The following PCDHGB6 variants were observed in gnomAD, a reference collection of about 807,000 sequenced individuals.
PCDHGB6 encodes protocadherin gamma-B6.
PCDHGB6 carries 51 observed loss-of-function variants against 59.1 expected under a neutral mutation model. The ratio of observed to expected loss-of-function variants is 0.86; its 90% confidence interval spans 0.69 to 1.09. The LOEUF (loss-of-function observed/expected upper bound fraction) is 1.09. PCDHGB6 is among the 50% of genes least tolerant of loss of function. The probability of loss-of-function intolerance (pLI) is 0.00; values close to 1 mark genes in which losing one functional copy is unlikely to be tolerated. For missense variants in PCDHGB6, 1,148 were observed against 1,205.1 expected (o/e 0.95, Z 0.70); for synonymous variants, 466 against 495.1 (o/e 0.94, Z 0.78).
In PCDHGB6 at chr5:141,489,098, T is replaced by C; in HGVS notation, c.2419-5709T>C. 1 of 293,346 alleles carries C rather than the reference T, an allele frequency of 3.4e-6. No homozygotes were observed. The highest frequency in any genetic ancestry group is 5.5e-5 in the South Asian group (1 of 18,124). The allele number at this position is 293,346 out of a possible 1,614,324, so 18.2% of individuals were successfully genotyped here. A position where few individuals can be genotyped will look rare whatever the true frequency, so the allele number is the denominator to read the frequency against. ...CCCCCGCCACTCGGTGACTAAGAAC[T>C]GCTGCAAGCAGGCAAACCTCCGAGC... On this transcript the variant is annotated intron_variant, in intron 1 of 3. Transcript: ENST00000520790. The surrounding 1 kb of genome is among the most constrained non-coding windows in gnomAD (Gnocchi z 4.5).
At chr5:141,447,082 T>C (rs1259827606) in intron 1 of PCDHGB6, among the ~76,000 whole-genome samples, 3 of 152,156 alleles carry the variant, frequency 2.0e-5, no homozygotes, top group Non-Finnish European at 2.9e-5. Context: ...ATTTTTGTTG[T>C]TTAATTTTCT....
chr5:141,422,926 G>GC, intron 1 of PCDHGB6: 1 of 1,614,230 alleles, frequency 6.2e-7, no homozygotes, highest in African/African-American at 1.3e-5. Context: ...CCTGTACCCT[G>GC]CCCTCCCCAC....
intron 1 of PCDHGB6, chr5:141,415,696 G>A (rs867312295): frequency 2.9e-6 from 4 of 1,397,470 alleles, no homozygotes; most frequent in Non-Finnish European, 3.8e-6. Flanking sequence ...GGTGGAAAGT[G>A]TAAATGCTAA....
chr5:141,420,507 A>G (rs548077936), intron 1 of PCDHGB6: 1 of 428,282 alleles, frequency 2.3e-6, no homozygotes, highest in African/African-American at 2.0e-5. Context: ...TGACATTTTT[A>G]TGAAGTAAAA....
intron 1 of PCDHGB6, among the ~76,000 whole-genome samples, chr5:141,466,725 G>A (rs1184472416): frequency 2.6e-5 from 4 of 152,024 alleles, no homozygotes; most frequent in Non-Finnish European, 5.9e-5. Context: ...TTCCATTTTA[G>A]CAGAATTCAT....
chr5:141,449,944 T>C (rs1375717746), intron 1 of PCDHGB6, among the ~76,000 whole-genome samples: 1 of 151,744 alleles, frequency 6.6e-6, no homozygotes, highest in Non-Finnish European at 1.5e-5. Flanking sequence ...TATATTTTAC[T>C]ATACCTCATA....
At chr5:141,500,619 G>A (rs1230172485) in intron 2 of PCDHGB6, among the ~76,000 whole-genome samples, 1 of 152,072 alleles carries the variant, frequency 6.6e-6, no homozygotes, top group East Asian at 1.9e-4. Context: ...CCAGTCATAC[G>A]GTACATTTCC....
intron 1 of PCDHGB6, among the ~76,000 whole-genome samples, chr5:141,467,397 TAGAA>T (rs1326936900): frequency 6.6e-6 from 1 of 152,106 alleles, no homozygotes; most frequent in Non-Finnish European, 1.5e-5. Flanking sequence ...AAGTCATAGT[TAGAA>T]AGCCTTTCCC....
rs760017836 is a variant in PCDHGB6, at chr5:141,432,060, C to G, written c.2418+21440C>G. 1.2e-6 allele frequency: 2 copies of G among 1,614,200 alleles called. No homozygotes were observed. The highest frequency in any genetic ancestry group is 1.7e-6 in the Non-Finnish European group (2 of 1,180,048). ...GACCGGGGAACCCCGCCCCTATCCACGGAAACTCATATCTCGCTGAACGTG... is the reference window on the plus strand; with the variant it reads ...GACCGGGGAACCCCGCCCCTATCCAGGGAAACTCATATCTCGCTGAACGTG... On this transcript the variant is annotated intron_variant, in intron 1 of 3. Coordinates refer to ENST00000520790, the MANE Select transcript of PCDHGB6 (RefSeq NM_018926.3). The surrounding 1 kb of genome is among the most constrained non-coding windows in gnomAD (Gnocchi z 6.0).
Position 141,408,782 on chromosome 5 carries a change from T to A in PCDHGB6, c.580T>A (p.Leu194Ile). The A allele has an allele frequency of 6.2e-7, 1 of 1,612,108 alleles. No individual in the cohort carries two copies. Residue 194 changes from leucine (L) to isoleucine (I), a missense_variant, in exon 1 of 4, where the codon TTA (leucine) becomes ATA (isoleucine). Physicochemically the swap from Leu to Ile is conservative, Grantham distance 5. This residue lies in a region of PCDHGB6 where 307 missense variants were observed against 323.8 expected (regional missense o/e 0.95). Coordinates refer to ENST00000520790, the MANE Select transcript of PCDHGB6 (RefSeq NM_018926.3). The part of the protein sequence containing the change: ...VNSDGGKYPE[L>I]SLEKLLDREE... ...TTCCGATGGTGGCAAATACCCAGAG[T>A]TATCTCTGGAGAAACTCCTAGACCG...
chr5:141,433,401 A>ATCTATCTATCTATCTC (rs1444244130), intron 1 of PCDHGB6, among the ~76,000 whole-genome samples: 1 of 150,482 alleles, frequency 6.6e-6, no homozygotes, highest in African/African-American at 2.4e-5. Context: ...CTATCTATCT[A>ATCTATCTATCTATCTC]TCTATTACTT....
chr5:141,487,656 C>G lies in PCDHGB6; in HGVS notation c.2419-7151C>G. ...GCTCAACAAATGCTTGAGGGTTATT[C>G]TGATCCAGGCATATGGCTAGGCCAT... On this transcript the variant is annotated intron_variant, in intron 1 of 3. Coordinates refer to ENST00000520790, the MANE Select transcript of PCDHGB6 (RefSeq NM_018926.3). The surrounding 1 kb of genome is among the most constrained non-coding windows in gnomAD (Gnocchi z 5.0). 6.2e-7 allele frequency: 1 copy of G among 1,613,658 alleles called. No individual in the cohort carries two copies. Among genetic ancestry groups the G allele is most frequent in the Non-Finnish European group, 8.5e-7 (1 of 1,179,794 alleles).
At chr5:141,461,951 G>C (rs1419637040) in intron 1 of PCDHGB6, among the ~76,000 whole-genome samples, 1 of 152,186 alleles carries the variant, frequency 6.6e-6, no homozygotes, top group African/African-American at 2.4e-5. Context: ...AACCTCCTGA[G>C]TAGCTGGGAT....
chr5:141,420,075 G>A (rs893749179), intron 1 of PCDHGB6: 17 of 1,613,944 alleles, frequency 1.1e-5, no homozygotes, highest in Admixed American at 6.7e-5. Context: ...GGACCTGTGG[G>A]TCCCCCCAAC....
At chr5:141,457,432 C>G (rs982456249) in intron 1 of PCDHGB6, among the ~76,000 whole-genome samples, 1 of 152,172 alleles carries the variant, frequency 6.6e-6, no homozygotes, top group Non-Finnish European at 1.5e-5. Context: ...TCCCCCCCAC[C>G]AAGCTGCAGA....
At chr5:141,416,722 A>C (rs891558095) in intron 1 of PCDHGB6, 3 of 152,258 alleles carry the variant, frequency 2.0e-5, no homozygotes, top group African/African-American at 7.2e-5. Context: ...TGATGAGTTC[A>C]TTTAGTTCAA....
At chr5:141,423,026 G>A in intron 1 of PCDHGB6, 2 of 1,614,210 alleles carry the variant, frequency 1.2e-6, no homozygotes, top group African/African-American at 1.3e-5. Flanking sequence ...AAAGATTCAG[G>A]CCAGAACGCC....
intron 1 of PCDHGB6, among the ~76,000 whole-genome samples, chr5:141,483,432 A>G (rs756227206): frequency 2.0e-5 from 3 of 152,200 alleles, no homozygotes; most frequent in African/African-American, 4.8e-5. Flanking sequence ...GAGGGAGCTG[A>G]CTACAATAAA....
Position 141,489,806 on chromosome 5 carries a change from A to G in PCDHGB6, c.2419-5001A>G. 1 of 1,614,198 alleles carries G rather than the reference A, an allele frequency of 6.2e-7. No homozygotes were observed. Among genetic ancestry groups the G allele is most frequent in the South Asian group, 1.1e-5 (1 of 91,082 alleles). Reference sequence around the variant, plus strand: ...AATGTGAAGACCCTAAAAGATGGGAAGCCATTCCCAGAGCTGGTGCTAGAG... The same window carrying G: ...AATGTGAAGACCCTAAAAGATGGGAGGCCATTCCCAGAGCTGGTGCTAGAG... On this transcript the variant is annotated intron_variant, in intron 1 of 3. Coordinates refer to ENST00000520790, the MANE Select transcript of PCDHGB6 (RefSeq NM_018926.3). The surrounding 1 kb of genome is among the most constrained non-coding windows in gnomAD (Gnocchi z 4.5).
Sources: gnomAD v4.1 joint callset for allele counts (sites outside exome capture counted in the v4.1 genomes callset) on GRCh38, gnomAD v4.1.1 for gene constraint, gnomAD v4.1.1 regional missense constraint, Gnocchi (gnomAD v3.1) non-coding constraint, MANE v1.5 for transcripts, NCBI Gene and HGNC (gene_info 2026-07-23, HGNC 2026-07-21) for gene names.